The following STK4 variants were observed in gnomAD, a reference collection of about 807,000 sequenced individuals.
STK4 encodes the protein serine/threonine-protein kinase 4.
A neutral mutation model predicts 64.9 loss-of-function variants in STK4; 30 were observed. That is an observed-to-expected ratio of 0.46 (90% CI 0.35 to 0.63). The LOEUF (loss-of-function observed/expected upper bound fraction) is 0.63, where lower values mean the gene tolerates loss of function less well. Among genes scored for constraint, STK4 ranks in the 20% least tolerant of loss-of-function variants. The probability of loss-of-function intolerance (pLI) is 0.01; values close to 1 mark genes in which losing one functional copy is unlikely to be tolerated. For synonymous variants in STK4, 177 were observed against 199.0 expected (o/e 0.89, Z 0.93); for missense variants, 466 against 598.5 (o/e 0.78, Z 2.31).
chr20:45,054,348 G>A (rs6073614), intron 10 of STK4, among the ~76,000 whole-genome samples: 18,918 of 152,074 alleles, frequency 0.12, 1,544 homozygotes, highest in East Asian at 0.22. Context: ...AGGATCCCTC[G>A]AGCCCAGGAG....
chr20:45,029,284 G>A (rs1437522112), intron 10 of STK4, among the ~76,000 whole-genome samples: 3 of 152,078 alleles, frequency 2.0e-5, no homozygotes, highest in South Asian at 4.1e-4. Flanking sequence ...TCACTCATTT[G>A]TATTAACTGT....
intron 10 of STK4, among the ~76,000 whole-genome samples, chr20:45,044,512 G>A (rs59069359): frequency 0.028 from 4,265 of 152,162 alleles, 184 homozygotes; most frequent in African/African-American, 0.092. Context: ...TAAAAAGCCA[G>A]GTAGGGTGGC....
intron 9 of STK4, among the ~76,000 whole-genome samples, chr20:45,003,419 A>G (rs1568711029): frequency 6.6e-6 from 1 of 152,192 alleles, no homozygotes; most frequent in Non-Finnish European, 1.5e-5. Context: ...GTAAAATTAA[A>G]TTATTACTAA....
At chr20:45,011,849 A>G (rs572251526) in intron 9 of STK4, among the ~76,000 whole-genome samples, 3 of 150,698 alleles carry the variant, frequency 2.0e-5, no homozygotes, top group Non-Finnish European at 4.4e-5. Flanking sequence ...TTTGTTTACA[A>G]TATGAGCTCT....
At chr20:45,008,189 G>A (rs558081060) in intron 9 of STK4, among the ~76,000 whole-genome samples, 1 of 152,164 alleles carries the variant, frequency 6.6e-6, no homozygotes, top group East Asian at 1.9e-4. Context: ...TGAGTAGCTG[G>A]GATTACAGGC....
At chr20:44,993,705 A>G (rs1259499677) in intron 5 of STK4, among the ~76,000 whole-genome samples, 1 of 152,178 alleles carries the variant, frequency 6.6e-6, no homozygotes, top group African/African-American at 2.4e-5. Flanking sequence ...TTTGCTGGGC[A>G]TTGTGGCTCA....
rs965150679 is a variant in STK4 at position 45,075,555 on chromosome 20, A to T, written c.*379A>T. On this transcript the variant is annotated 3_prime_UTR_variant, in exon 11 of 11. Coordinates refer to ENST00000372806, the MANE Select transcript of STK4 (RefSeq NM_006282.5). The stretch of plus-strand genomic sequence containing the variant: ...AAAAAATATAAATATGCATATATAT[A>T]TATAAATTATAAATAGATTCCCCAC... The T allele has an allele frequency of 1.9e-5, 3 of 154,690 alleles. No individual in the cohort carries two copies. Among genetic ancestry groups the T allele is most frequent in the Non-Finnish European group, 4.3e-5 (3 of 69,382 alleles). The allele number at this position is 154,690 out of a possible 1,614,324, so 9.6% of individuals were successfully genotyped here. A position where few individuals can be genotyped will look rare whatever the true frequency, so the allele number is the denominator to read the frequency against.
intron 10 of STK4, among the ~76,000 whole-genome samples, chr20:45,029,889 T>A (rs1441316001): frequency 6.6e-6 from 1 of 152,210 alleles, no homozygotes; most frequent in African/African-American, 2.4e-5. Flanking sequence ...TTATTAACAT[T>A]GTATGATTTT....
chr20:45,005,241 C>G (rs2067917074), intron 9 of STK4, among the ~76,000 whole-genome samples: 2 of 152,178 alleles, frequency 1.3e-5, no homozygotes, highest in Admixed American at 1.3e-4. Context: ...ATCAGTATCT[C>G]TCTCCTCTTC....
intron 10 of STK4, among the ~76,000 whole-genome samples, chr20:45,027,780 C>G (rs1449029046): frequency 6.6e-6 from 1 of 152,108 alleles, no homozygotes; most frequent in Non-Finnish European, 1.5e-5. Context: ...TCTTTCCCAG[C>G]CACTGCTAAC....
intron 10 of STK4, among the ~76,000 whole-genome samples, chr20:45,043,614 C>A (rs2068647439): frequency 6.6e-6 from 1 of 152,096 alleles, no homozygotes; most frequent in South Asian, 2.1e-4. Flanking sequence ...ATTGAGTATC[C>A]CAAACCTGAA....
At chr20:44,977,018 T>C (rs1304876718) in intron 2 of STK4, among the ~76,000 whole-genome samples, 3 of 152,188 alleles carry the variant, frequency 2.0e-5, no homozygotes, top group African/African-American at 7.2e-5. Flanking sequence ...GGGCGACATG[T>C]TTGCCACTAG....
At chr20:45,060,300 T>C (rs1427654060) in intron 10 of STK4, among the ~76,000 whole-genome samples, 1 of 152,214 alleles carries the variant, frequency 6.6e-6, no homozygotes, top group Non-Finnish European at 1.5e-5. Context: ...ATAAGTCTTT[T>C]CGTTTATTTA....
At chr20:45,046,614 C>A (rs888777490) in intron 10 of STK4, among the ~76,000 whole-genome samples, 2 of 151,534 alleles carry the variant, frequency 1.3e-5, no homozygotes, top group Non-Finnish European at 1.5e-5. Flanking sequence ...CTCTTCTACT[C>A]TGTTATCTAT....
intron 1 of STK4, among the ~76,000 whole-genome samples, chr20:44,966,978 G>T (rs2067161437): frequency 6.6e-6 from 1 of 152,146 alleles, no homozygotes; most frequent in African/African-American, 2.4e-5. Context: ...TCTTTAAGGG[G>T]GTGGATCGAG....
At chr20:45,050,833 A>T (rs2068766077) in intron 10 of STK4, among the ~76,000 whole-genome samples, 1 of 152,106 alleles carries the variant, frequency 6.6e-6, no homozygotes, top group African/African-American at 2.4e-5. Context: ...ACATTCTAAG[A>T]TTACAAAAAT....
intron 9 of STK4, among the ~76,000 whole-genome samples, chr20:45,011,971 C>T (rs1284512321): frequency 6.6e-6 from 1 of 151,256 alleles, no homozygotes; most frequent in Non-Finnish European, 1.5e-5. Flanking sequence ...AATAGATTTC[C>T]CATCCCCTTA....
At chr20:45,052,349 C>T (rs1183686768) in intron 10 of STK4, among the ~76,000 whole-genome samples, 1 of 152,104 alleles carries the variant, frequency 6.6e-6, no homozygotes, top group Non-Finnish European at 1.5e-5. Flanking sequence ...TTATTTTACA[C>T]AGCTGAGATC....
chr20:44,967,307 G>A (rs1019277126), intron 1 of STK4: 4 of 865,732 alleles, frequency 4.6e-6, no homozygotes, highest in Admixed American at 1.2e-4. Context: ...TTCGAGATGG[G>A]GAGACTGAGG....
Sources: allele counts gnomAD v4.1 joint callset (sites outside exome capture counted in the v4.1 genomes callset), GRCh38; gene constraint gnomAD v4.1.1; transcripts MANE v1.5; gene names NCBI Gene and HGNC (gene_info 2026-07-23, HGNC 2026-07-21).